PPP4R4: variants seen among roughly 807,000 people sequenced by gnomAD.
PPP4R4 encodes the protein serine/threonine-protein phosphatase 4 regulatory subunit 4.
Under a neutral mutation model 121.8 loss-of-function variants are expected in PPP4R4, and 70 were observed. That is an observed-to-expected ratio of 0.57 (90% CI 0.47 to 0.70). The LOEUF (loss-of-function observed/expected upper bound fraction) is 0.70. Among genes scored for constraint, PPP4R4 ranks in the 30% least tolerant of loss-of-function variants. The pLI, the probability that PPP4R4 is intolerant of heterozygous loss-of-function variation, is 0.00. For synonymous variants in PPP4R4, 348 were observed against 355.7 expected (o/e 0.98, Z 0.24); for missense variants, 875 against 1,033.6 (o/e 0.85, Z 2.10).
intron 2 of PPP4R4, among the ~76,000 whole-genome samples, chr14:94,189,155 T>C (rs554615891): frequency 1.6e-4 from 25 of 152,188 alleles, no homozygotes; most frequent in African/African-American, 6.0e-4. Flanking sequence ...GGATCAATAG[T>C]TTTTAAAAAT....
chr14:94,254,619 ACT>A (rs977851952), intron 16 of PPP4R4, among the ~76,000 whole-genome samples: 16 of 152,238 alleles, frequency 1.1e-4, no homozygotes, highest in African/African-American at 3.9e-4. Context: ...TGTTCTGGAA[ACT>A]CTAAAAATGG....
intron 5 of PPP4R4, among the ~76,000 whole-genome samples, chr14:94,233,031 C>T (rs1892133600): frequency 6.7e-6 from 1 of 150,278 alleles, no homozygotes; most frequent in African/African-American, 2.5e-5. Context: ...GCACTCCAGC[C>T]TGGGCGACAG....
At chr14:94,241,733 T>C (rs1262906364) in intron 9 of PPP4R4, 55 bp from the exon 10 acceptor site, 23 of 1,365,010 alleles carry the variant, frequency 1.7e-5, no homozygotes, top group African/African-American at 7.4e-5. Context: ...GATTTTCCCT[T>C]TTTAAATTTT....
rs115313772 is a variant in PPP4R4 at position 94,235,779 on chromosome 14, C to T, written c.731+1110C>T. Among the ~76,000 whole-genome samples the T allele has an allele frequency of 5.8e-3, 882 of 152,196 alleles. 10 individuals carry two copies. Among genetic ancestry groups the T allele is most frequent in the African/African-American group, 0.02 (849 of 41,512 alleles). On this transcript the variant is annotated intron_variant, in intron 7 of 24. Transcript: ENST00000304338. ...TCTCTTCACCCATAAGAACTGATCT[C>T]ATTTCAATCTTAGAAGTGTGATATT...
chr14:94,260,928 T>C (rs11850003), intron 19 of PPP4R4, among the ~76,000 whole-genome samples: 24,264 of 152,040 alleles, frequency 0.16, 2,067 homozygotes, highest in Middle Eastern at 0.24. Flanking sequence ...TTTAAAAATT[T>C]TCATTTTAGG....
At chr14:94,223,756 A>G (rs547743604) in intron 3 of PPP4R4, among the ~76,000 whole-genome samples, 1 of 152,314 alleles carries the variant, frequency 6.6e-6, no homozygotes, top group African/African-American at 2.4e-5. Context: ...GTCTGCCTTT[A>G]TTGAAAGAGG....
chr14:94,265,531 G>A (rs767279581), intron 21 of PPP4R4, 58 bp downstream of exon 21: 9 of 1,430,474 alleles, frequency 6.3e-6, no homozygotes, highest in Non-Finnish European at 8.8e-6. Flanking sequence ...TATACAAATT[G>A]CTGGGAAAGT....
At chr14:94,203,380 T>C (rs905775337) in intron 2 of PPP4R4, among the ~76,000 whole-genome samples, 2 of 152,246 alleles carry the variant, frequency 1.3e-5, no homozygotes, top group African/African-American at 2.4e-5. Context: ...TAGTTCTTTT[T>C]TTTTCCTTTT....
chr14:94,250,421 CT>C, intron 15 of PPP4R4, 144 bp downstream of exon 15: 1 of 594,860 alleles, frequency 1.7e-6, no homozygotes, highest in Non-Finnish European at 3.0e-6. Flanking sequence ...TCTAGAAATC[CT>C]TATGGCAAGA....
intron 2 of PPP4R4, among the ~76,000 whole-genome samples, chr14:94,178,627 A>G (rs1417354998): frequency 6.6e-6 from 1 of 152,156 alleles, no homozygotes; most frequent in African/African-American, 2.4e-5. Context: ...CATGTCAGTT[A>G]TTAATGACAT....
intron 6 of PPP4R4, among the ~76,000 whole-genome samples, chr14:94,234,201 A>G (rs1167945629): frequency 6.6e-6 from 1 of 152,178 alleles, no homozygotes; most frequent in Non-Finnish European, 1.5e-5. Context: ...TTAAATACCA[A>G]ATGAAAAGAA....
Position 94,241,781 on chromosome 14 carries a change from G to T in PPP4R4, c.977-7G>T. On this transcript the variant is annotated splice_region_variant and splice_polypyrimidine_tract_variant and intron_variant, in intron 9 of 24. Coordinates refer to ENST00000304338, the MANE Select transcript of PPP4R4 (RefSeq NM_058237.2). Reference sequence around the variant, plus strand: ...AATGTTGAGCTAGTTTTTTATATTTGTTTTAGGAATTTTCACTCCAGATCA... The same window carrying T: ...AATGTTGAGCTAGTTTTTTATATTTTTTTTAGGAATTTTCACTCCAGATCA... 1.3e-6 allele frequency: 2 copies of T among 1,527,404 alleles called. No individual in the cohort carries two copies. Among genetic ancestry groups the T allele is most frequent in the Non-Finnish European group, 1.8e-6 (2 of 1,141,800 alleles). 94.6% of individuals were successfully genotyped at this position (1,527,404 alleles called of 1,614,324 possible). A position where few individuals can be genotyped will look rare whatever the true frequency, so the allele number is the denominator to read the frequency against.
chr14:94,190,286 C>T (rs1889522964), intron 2 of PPP4R4, among the ~76,000 whole-genome samples: 1 of 152,132 alleles, frequency 6.6e-6, no homozygotes, highest in Non-Finnish European at 1.5e-5. Flanking sequence ...TTTTCCCCTG[C>T]TATGTCTTAA....
chr14:94,267,085 T>C, intron 23 of PPP4R4, 56 bp downstream of exon 23: 1 of 1,204,150 alleles, frequency 8.3e-7, no homozygotes, highest in Non-Finnish European at 1.2e-6. Flanking sequence ...AATATTATTT[T>C]CCTTAAATGA....
At chr14:94,214,269 T>C (rs998897869) in intron 3 of PPP4R4, among the ~76,000 whole-genome samples, 2 of 152,216 alleles carry the variant, frequency 1.3e-5, no homozygotes, top group African/African-American at 2.4e-5. Flanking sequence ...GAATGGTATA[T>C]AACGCTGATT....
chr14:94,201,170 C>T (rs1312730193), intron 2 of PPP4R4, among the ~76,000 whole-genome samples: 2 of 152,204 alleles, frequency 1.3e-5, no homozygotes, highest in South Asian at 2.1e-4. Flanking sequence ...CAATTTTATT[C>T]CACTGTGGTC....
intron 19 of PPP4R4, among the ~76,000 whole-genome samples, chr14:94,263,610 A>G (rs562472071): frequency 6.6e-6 from 1 of 152,296 alleles, no homozygotes; most frequent in Non-Finnish European, 1.5e-5. Context: ...AAATTTTAGG[A>G]CCAAATGACC....
chr14:94,176,261 G>C (rs1464930891), intron 2 of PPP4R4, 134 bp downstream of exon 2: 1 of 658,260 alleles, frequency 1.5e-6, no homozygotes, highest in Non-Finnish European at 2.7e-6. Context: ...TGTGTGCATA[G>C]TACTTAACTA....
At chr14:94,261,117 T>C (rs908645764) in intron 19 of PPP4R4, among the ~76,000 whole-genome samples, 4 of 152,174 alleles carry the variant, frequency 2.6e-5, no homozygotes, top group Non-Finnish European at 4.4e-5. Context: ...ATTTCTTGAC[T>C]TCCTATTATT....
Sources: gnomAD v4.1 joint callset for allele counts (sites outside exome capture counted in the v4.1 genomes callset) on GRCh38, gnomAD v4.1.1 for gene constraint, MANE v1.5 for transcripts, NCBI Gene and HGNC (gene_info 2026-07-23, HGNC 2026-07-21) for gene names.